The following ASTN2 variants were observed in gnomAD, a reference collection of about 807,000 sequenced individuals.
ASTN2 encodes astrotactin-2.
Under a neutral mutation model 139.8 loss-of-function variants are expected in ASTN2, and 54 were observed. That is an observed-to-expected ratio of 0.39 (90% CI 0.31 to 0.48). ASTN2 has a LOEUF of 0.48. Among genes scored for constraint, ASTN2 ranks in the 20% least tolerant of loss-of-function variants. The pLI is 0.95. For synonymous variants in ASTN2, 756 were observed against 719.5 expected (o/e 1.05, Z -0.81); for missense variants, 1,565 against 1,725.1 (o/e 0.91, Z 1.64).
chr9:116,553,176 C>T (rs1401603938), intron 19 of ASTN2, among the ~76,000 whole-genome samples: 1 of 152,128 alleles, frequency 6.6e-6, no homozygotes, highest in Non-Finnish European at 1.5e-5. Flanking sequence ...GAGGAAGATT[C>T]TGTGGACCTG....
chr9:117,368,235 T>C (rs1212353510), intron 1 of ASTN2, among the ~76,000 whole-genome samples: 1 of 151,910 alleles, frequency 6.6e-6, no homozygotes, highest in African/African-American at 2.4e-5. Flanking sequence ...TCTTATCAAA[T>C]AGGGGGGTTT....
chr9:117,003,899 T>C (rs1837268032), intron 7 of ASTN2, among the ~76,000 whole-genome samples: 1 of 150,992 alleles, frequency 6.6e-6, no homozygotes, highest in Admixed American at 6.6e-5. Flanking sequence ...AGGGCTTACC[T>C]GGCTTTTGGG....
At chr9:117,349,565 C>T (rs957240189) in intron 1 of ASTN2, among the ~76,000 whole-genome samples, 2 of 152,094 alleles carry the variant, frequency 1.3e-5, no homozygotes, top group African/African-American at 4.8e-5. Flanking sequence ...GTTCACTAGT[C>T]CTTAAGAGAC....
chr9:116,529,739 T>C (rs1373805280), intron 19 of ASTN2, among the ~76,000 whole-genome samples: 3 of 152,158 alleles, frequency 2.0e-5, no homozygotes, highest in Non-Finnish European at 4.4e-5. Context: ...GAGTGAGTTC[T>C]CATGAGATCT....
At chr9:116,711,296 T>A (rs1828150888) in intron 16 of ASTN2, among the ~76,000 whole-genome samples, 1 of 152,192 alleles carries the variant, frequency 6.6e-6, no homozygotes, top group Admixed American at 6.5e-5. Flanking sequence ...TTTACACAAG[T>A]AAAAGCTGCC....
At chr9:116,663,530 C>T (rs1858684650) in intron 16 of ASTN2, among the ~76,000 whole-genome samples, 1 of 152,048 alleles carries the variant, frequency 6.6e-6, no homozygotes, top group South Asian at 2.1e-4. Flanking sequence ...AACATGTTAC[C>T]AGGCATTACT....
intron 7 of ASTN2, among the ~76,000 whole-genome samples, chr9:117,007,796 G>A (rs1837399702): frequency 6.6e-6 from 1 of 152,244 alleles, no homozygotes; most frequent in East Asian, 1.9e-4. Flanking sequence ...CTAGTACCAA[G>A]AAGATAGGCT....
intron 13 of ASTN2, among the ~76,000 whole-genome samples, chr9:116,747,576 T>C (rs1829278233): frequency 1.3e-5 from 2 of 152,066 alleles, no homozygotes; most frequent in South Asian, 4.2e-4. Flanking sequence ...CCTGGAGTCA[T>C]GTACAATTGA....
chr9:116,453,275 A>G (rs746870106), intron 20 of ASTN2, among the ~76,000 whole-genome samples: 1 of 152,114 alleles, frequency 6.6e-6, no homozygotes, highest in Non-Finnish European at 1.5e-5. Context: ...TGGAGTCAAC[A>G]ATACTTGCCT....
intron 5 of ASTN2, among the ~76,000 whole-genome samples, chr9:117,070,906 T>A (rs1414659707): frequency 6.8e-6 from 1 of 147,674 alleles, no homozygotes; most frequent in Non-Finnish European, 1.5e-5. Context: ...TAGTTATACA[T>A]TCTTCTAAAT....
intron 1 of ASTN2, among the ~76,000 whole-genome samples, chr9:117,326,388 C>T (rs1828519795): frequency 6.6e-6 from 1 of 152,096 alleles, no homozygotes; most frequent in Admixed American, 6.6e-5. Flanking sequence ...GCTCCTTACT[C>T]TCCCATTTTT....
chr9:116,830,806 G>A (rs9802601), intron 11 of ASTN2, among the ~76,000 whole-genome samples: 114,597 of 144,428 alleles, frequency 0.79, 45,330 homozygotes, highest in Middle Eastern at 0.9. Flanking sequence ...AAAAAAAAAA[G>A]AAGAAGAAGA....
chr9:116,706,267 T>C (rs1339452008), intron 16 of ASTN2, among the ~76,000 whole-genome samples: 1 of 152,174 alleles, frequency 6.6e-6, no homozygotes, highest in East Asian at 1.9e-4. Flanking sequence ...GCCAAATAAG[T>C]GCTGTAATCT....
At chr9:116,739,206 C>T (rs1173167660) in intron 13 of ASTN2, among the ~76,000 whole-genome samples, 2 of 152,118 alleles carry the variant, frequency 1.3e-5, no homozygotes, top group African/African-American at 4.8e-5. Context: ...TAACCTTTTT[C>T]AGGAACTGTT....
intron 5 of ASTN2, among the ~76,000 whole-genome samples, chr9:117,058,120 A>G (rs1366631271): frequency 2.6e-5 from 4 of 152,158 alleles, no homozygotes; most frequent in Admixed American, 2.0e-4. Flanking sequence ...AGGGGCATGG[A>G]CCCTTATTAT....
In ASTN2 at chr9:116,425,473, G is replaced by T; in HGVS notation, c.*378C>A. On this transcript the variant is annotated 3_prime_UTR_variant, in exon 23 of 23. Transcript: ENST00000313400. ...CTGTCCCTCCATAGGTCTCCTCCAG[G>T]GGTCCATGGCAGGAAGAAAGCAGAG... The T allele has an allele frequency of 2.4e-6, 3 of 1,266,272 alleles. No homozygotes were observed. Among genetic ancestry groups the T allele is most frequent in the East Asian group, 2.3e-5 (1 of 42,862 alleles). The allele number at this position is 1,266,272 out of a possible 1,614,324, so 78.4% of individuals were successfully genotyped here.
intron 1 of ASTN2, among the ~76,000 whole-genome samples, chr9:117,377,066 G>T (rs1180434533): frequency 6.6e-6 from 1 of 152,208 alleles, no homozygotes; most frequent in African/African-American, 2.4e-5. Context: ...ACCAAGAGGG[G>T]ATAAATGCAA....
intron 16 of ASTN2, among the ~76,000 whole-genome samples, chr9:116,661,433 T>G (rs1742830): frequency 6.6e-6 from 1 of 152,056 alleles, no homozygotes; most frequent in Middle Eastern, 3.4e-3. Context: ...GAGCATTTGC[T>G]GAGAAGGCCT....
intron 22 of ASTN2, chr9:116,437,132 C>T (rs1847680141): frequency 2.3e-5 from 8 of 341,534 alleles, no homozygotes; most frequent in South Asian, 1.9e-4. Flanking sequence ...GGGTGCAGCG[C>T]ACCAGCATGG....
Sources: allele counts gnomAD v4.1 joint callset (sites outside exome capture counted in the v4.1 genomes callset), GRCh38; gene constraint gnomAD v4.1.1; transcripts MANE v1.5; gene names NCBI Gene and HGNC (gene_info 2026-07-23, HGNC 2026-07-21).